Variants in LY75 observed in about 807,000 individuals in gnomAD.
LY75 encodes C-type lectin domain family 13 member B.
Under a neutral mutation model 231.7 loss-of-function variants are expected in LY75, and 185 were observed. The observed-to-expected ratio is 0.80, with a 90% confidence interval of 0.71 to 0.90. LY75 has a LOEUF of 0.90. Among genes scored for constraint, LY75 ranks in the 40% least tolerant of loss-of-function variants. The pLI, the probability that LY75 is intolerant of heterozygous loss-of-function variation, is 0.00. For missense variants in LY75, 1,947 were observed against 2,050.2 expected (o/e 0.95, Z 0.97); for synonymous variants, 668 against 689.0 (o/e 0.97, Z 0.48).
At chr2:159,850,800 T>TATA (rs1560081074) in intron 21 of LY75, among the ~76,000 whole-genome samples, 4,269 of 59,280 alleles carry the variant, frequency 0.072, 185 homozygotes, top group East Asian at 0.085. Flanking sequence ...ATATATATAT[T>TATA]ATATCTTATA....
At chr2:159,887,851 C>T (rs988046017) in intron 4 of LY75, among the ~76,000 whole-genome samples, 2 of 152,154 alleles carry the variant, frequency 1.3e-5, no homozygotes, top group Non-Finnish European at 2.9e-5. Flanking sequence ...AAAACTGATG[C>T]ATAAAGAATC....
At chr2:159,847,215 T>G (rs1684229409) in intron 23 of LY75, among the ~76,000 whole-genome samples, 1 of 152,158 alleles carries the variant, frequency 6.6e-6, no homozygotes, top group Non-Finnish European at 1.5e-5. Context: ...GGTTTCACTG[T>G]GTTGCCCAGG....
At chr2:159,825,811 A>T (rs968974363) in intron 28 of LY75, among the ~76,000 whole-genome samples, 5 of 143,428 alleles carry the variant, frequency 3.5e-5, no homozygotes, top group African/African-American at 1.5e-4. Flanking sequence ...AACATATGCA[A>T]ATCAATAAAC....
intron 2 of LY75, 53 bp from the exon 3 acceptor site, chr2:159,894,137 G>A (rs551028353): frequency 1.4e-5 from 22 of 1,530,152 alleles, no homozygotes; most frequent in Admixed American, 4.4e-5. Context: ...GGTAGTCAGC[G>A]TCAGGTGGCT....
chr2:159,887,968 C>T (rs566230818), intron 4 of LY75, among the ~76,000 whole-genome samples: 23 of 152,220 alleles, frequency 1.5e-4, no homozygotes, highest in East Asian at 1.2e-3. Flanking sequence ...ACTTTTCATT[C>T]GCAACAATAT....
chr2:159,815,272 A>C, intron 31 of LY75, 133 bp downstream of exon 31: 1 of 1,160,810 alleles, frequency 8.6e-7, no homozygotes, highest in Non-Finnish European at 1.2e-6. Flanking sequence ...AAGTGCTGGG[A>C]TTACAGGCGC....
chr2:159,815,468 T>C lies in LY75; in HGVS notation c.4486A>G (p.Thr1496Ala), dbSNP rs777196981. 6 of 1,613,558 alleles carry C rather than the reference T, an allele frequency of 3.7e-6. No homozygotes were observed. Among genetic ancestry groups the C allele is most frequent in the Non-Finnish European group, 3.4e-6 (4 of 1,179,914 alleles). ...GAGTTGCATTTTTCATGTTTCCAAG[T>C]TCCTTTTGGATCCAAGAGAACACAA... is the stretch of plus-strand genomic sequence containing the variant. The part of the protein sequence containing the change: ...GNCVLLDPKG[T>A]WKHEKCNSVK... The change falls in exon 31 of 35, where the codon ACT (threonine) becomes GCT (alanine). Residue 1496 changes from threonine to alanine, a missense_variant. Transcript: ENST00000263636.
chr2:159,887,625 A>T (rs1350514864), intron 4 of LY75, among the ~76,000 whole-genome samples: 1 of 151,848 alleles, frequency 6.6e-6, no homozygotes, highest in Admixed American at 6.6e-5. Context: ...TTTAGAGGTT[A>T]AAACACAGTT....
chr2:159,888,549 C>A (rs1387627281), intron 4 of LY75, among the ~76,000 whole-genome samples: 1 of 152,156 alleles, frequency 6.6e-6, no homozygotes, highest in Non-Finnish European at 1.5e-5. Flanking sequence ...ATGGATTTAT[C>A]TGGAGAAAGT....
intron 20 of LY75, 73 bp downstream of exon 20, chr2:159,853,200 G>A: frequency 6.9e-6 from 10 of 1,456,600 alleles, no homozygotes; most frequent in African/African-American, 4.2e-5. Context: ...AGGAAAACAA[G>A]ATTAAGCTAG....
intron 28 of LY75, among the ~76,000 whole-genome samples, chr2:159,825,409 A>G (rs935517049): frequency 6.6e-6 from 1 of 152,234 alleles, no homozygotes; most frequent in African/African-American, 2.4e-5. Flanking sequence ...CTAAACCAGG[A>G]AGAAGCTGAA....
Position 159,898,833 on chromosome 2 carries a change from C to T in LY75, c.321G>A (p.Trp107Ter), listed in dbSNP as rs888529249. Residue 107 changes from tryptophan (W) to a stop codon, truncating the protein, a stop_gained, in exon 2 of 35, where the codon TGG (tryptophan) becomes TGA (stop). Coordinates refer to ENST00000263636, the MANE Select transcript of LY75 (RefSeq NM_002349.4). LOFTEE classifies it high-confidence loss of function. Reference protein sequence around the residue: ...MFSCDSSAMLWWKCEHHSLYG... With the variant: ...MFSCDSSAML ...ACAGAGAGTGGTGCTCACATTTCCA[C>T]CACAGCATGGCACTGGAGTCACAGC... The T allele has an allele frequency of 2.5e-6, 4 of 1,614,108 alleles. No homozygotes were observed. The highest frequency in any genetic ancestry group is 2.5e-6 in the Non-Finnish European group (3 of 1,180,042).
At chr2:159,889,007 T>A (rs1457733759) in intron 4 of LY75, among the ~76,000 whole-genome samples, 1 of 152,162 alleles carries the variant, frequency 6.6e-6, no homozygotes, top group Non-Finnish European at 1.5e-5. Context: ...ATTACAATTA[T>A]TTGTCTTTCA....
intron 27 of LY75, 151 bp downstream of exon 27, chr2:159,833,893 G>T: frequency 1.2e-6 from 1 of 802,730 alleles, no homozygotes; most frequent in Non-Finnish European, 1.8e-6. Context: ...ATGTAAACAT[G>T]TCTTTGCTTC....
At chr2:159,866,016 T>C (rs1391692832) in intron 13 of LY75, among the ~76,000 whole-genome samples, 1 of 152,178 alleles carries the variant, frequency 6.6e-6, no homozygotes, top group Non-Finnish European at 1.5e-5. Flanking sequence ...ACCAATAATA[T>C]TCCACATAAT....
intron 23 of LY75, among the ~76,000 whole-genome samples, chr2:159,844,233 C>T (rs1188222376): frequency 6.6e-6 from 1 of 151,096 alleles, no homozygotes; most frequent in Non-Finnish European, 1.5e-5. Context: ...AATATTAATC[C>T]ACTCTGAGCA....
intron 4 of LY75, among the ~76,000 whole-genome samples, chr2:159,889,354 G>A (rs889594490): frequency 6.6e-6 from 1 of 152,004 alleles, no homozygotes; most frequent in Non-Finnish European, 1.5e-5. Flanking sequence ...TCAGTCTCCA[G>A]AGCAGCTGGG....
intron 5 of LY75, among the ~76,000 whole-genome samples, chr2:159,885,874 T>G (rs895950077): frequency 1.3e-5 from 2 of 152,186 alleles, no homozygotes; most frequent in Non-Finnish European, 2.9e-5. Context: ...GATTTTATTT[T>G]TCAAAGTTGT....
chr2:159,886,670 C>T (rs1319157184), intron 4 of LY75, 140 bp from the exon 5 acceptor site: 4 of 743,434 alleles, frequency 5.4e-6, no homozygotes, highest in African/African-American at 3.6e-5. Flanking sequence ...GTTTATGCAT[C>T]AAAGGTAGGC....
Sources: gnomAD v4.1 joint callset for allele counts (sites outside exome capture counted in the v4.1 genomes callset) on GRCh38, gnomAD v4.1.1 for gene constraint, MANE v1.5 for transcripts, NCBI Gene and HGNC (gene_info 2026-07-23, HGNC 2026-07-21) for gene names.